Variants in TMX3 observed in about 807,000 individuals in gnomAD.
TMX3 encodes the protein protein disulfide-isomerase TMX3.
TMX3 carries 40 observed loss-of-function variants against 64.4 expected under a neutral mutation model. The observed-to-expected ratio is 0.62, with a 90% confidence interval of 0.48 to 0.81. TMX3 has a LOEUF of 0.81. Among genes scored for constraint, TMX3 ranks in the 30% least tolerant of loss-of-function variants. The probability of loss-of-function intolerance (pLI) is 0.00; values close to 1 mark genes in which losing one functional copy is unlikely to be tolerated. For synonymous variants in TMX3, 189 were observed against 175.7 expected, an observed-to-expected ratio of 1.08 and a Z score of -0.60; for missense variants, 497 against 534.5, an observed-to-expected ratio of 0.93 and a Z score of 0.69.
At chr18:68,706,511 A>C (rs2030683864) in intron 4 of TMX3, 1 of 152,208 alleles carries the variant, frequency 6.6e-6, no homozygotes, top group Admixed American at 6.5e-5. Flanking sequence ...TTCACTGTTC[A>C]CCAGTAGGAC....
chr18:68,681,534 C>CT (rs1009217391), intron 13 of TMX3: 2 of 984,826 alleles, frequency 2.0e-6, no homozygotes, highest in African/African-American at 3.5e-5. Flanking sequence ...GGCAAATCCT[C>CT]TTAAGTTCTT....
intron 4 of TMX3, among the ~76,000 whole-genome samples, 178 bp downstream of exon 4, chr18:68,709,843 C>T (rs1161702827): frequency 6.6e-6 from 1 of 152,096 alleles, no homozygotes; most frequent in Non-Finnish European, 1.5e-5. Flanking sequence ...TTAACACACA[C>T]TACACGCTAC....
chr18:68,709,350 T>A (rs1207412725), intron 4 of TMX3, among the ~76,000 whole-genome samples: 1 of 152,118 alleles, frequency 6.6e-6, no homozygotes, highest in Non-Finnish European at 1.5e-5. Context: ...GTATAAAAGG[T>A]CAGATAAATA....
intron 6 of TMX3, among the ~76,000 whole-genome samples, chr18:68,699,021 CAA>C (rs986705714): frequency 1.1e-5 from 1 of 91,974 alleles, no homozygotes. Context: ...GACTCCGCCT[CAA>C]AAAAAAAAAA....
chr18:68,714,460 G>T, intron 1 of TMX3: 1 of 166,084 alleles, frequency 6.0e-6, no homozygotes, highest in South Asian at 1.5e-4. Context: ...GAGAACCGCT[G>T]ACACACACTC....
chr18:68,679,396 T>G (rs772574855), intron 15 of TMX3, 67 bp downstream of exon 15: 29 of 1,336,900 alleles, frequency 2.2e-5, no homozygotes, highest in Middle Eastern at 4.6e-4. Flanking sequence ...TTCAGATTTT[T>G]AACACAGCTA....
intron 5 of TMX3, chr18:68,700,923 C>T: frequency 1.0e-6 from 1 of 984,914 alleles, no homozygotes; most frequent in Non-Finnish European, 1.2e-6. Context: ...TCCAACATTA[C>T]AGAGTAAAAC....
In TMX3 at chr18:68,691,373, CAGA is replaced by C; in HGVS notation, c.571-15_571-13del. 6.8e-7 allele frequency: 1 copy of C among 1,477,624 alleles called. No homozygotes were observed. Among genetic ancestry groups the C allele is most frequent in the Non-Finnish European group, 9.1e-7 (1 of 1,103,938 alleles). The allele number at this position is 1,477,624 out of a possible 1,614,324, so 91.5% of individuals were successfully genotyped here. ...TTTAGTGTCACATACTGCAAAAAAT[CAGA>C]AGTTTAAATAACTTTTATCACTAAA... On this transcript the variant is annotated splice_polypyrimidine_tract_variant and intron_variant, in intron 8 of 15. Transcript: ENST00000299608.
chr18:68,695,795 G>A lies in TMX3; in HGVS notation c.570+1431C>T, dbSNP rs1245505769. 5.3e-5 allele frequency among the ~76,000 whole-genome samples: 8 copies of A among 152,290 alleles called. No homozygotes were observed. The East Asian group carries it at 1.4e-3, about 26-fold the overall frequency. ...ACCTATCTAACGCACTCTGCGCTTA[G>A]CACAGAGTAATGTCCTTAAACAAGA... On this transcript the variant is annotated intron_variant, in intron 8 of 15. Transcript: ENST00000299608.
Position 68,677,165 on chromosome 18 carries a change from C to G in TMX3, c.1133G>C (p.Gly378Ala). 1 of 1,613,630 alleles carries G rather than the reference C, an allele frequency of 6.2e-7. No individual in the cohort carries two copies. The change falls in exon 16 of 16, where the codon GGC (glycine) becomes GCC (alanine). Residue 378 changes from glycine (G) to alanine (A), a missense_variant. Gly to Ala is a moderately conservative substitution (Grantham distance 60). This residue lies in a region of TMX3 where 43 missense variants were observed against 75.3 expected (regional missense o/e 0.57). Coordinates refer to ENST00000299608, the MANE Select transcript of TMX3 (RefSeq NM_019022.5). ...CAGTGGCAGGCCAAAGAGAAAGCAG[C>G]CCATCAGTGGTGAGCTCTTGAATAT... is the stretch of plus-strand genomic sequence containing the variant. ...VSIFKSSPLMGCFLFGLPLGV... is the reference protein window; with the variant it reads ...VSIFKSSPLMACFLFGLPLGV...
chr18:68,707,426 G>T (rs1240582623), intron 4 of TMX3, among the ~76,000 whole-genome samples: 1 of 152,104 alleles, frequency 6.6e-6, no homozygotes, highest in African/African-American at 2.4e-5. Flanking sequence ...TCTTGGCTAT[G>T]TTTTTCCCTA....
chr18:68,713,180 G>A (rs1280541228), intron 2 of TMX3, among the ~76,000 whole-genome samples: 1 of 152,092 alleles, frequency 6.6e-6, no homozygotes, highest in Non-Finnish European at 1.5e-5. Flanking sequence ...AAGGACTAGA[G>A]TAGAAAAGTG....
intron 13 of TMX3, among the ~76,000 whole-genome samples, chr18:68,682,707 A>C (rs77342245): frequency 7.1e-6 from 1 of 140,022 alleles, no homozygotes; most frequent in Admixed American, 6.8e-5. Context: ...ATCAGGAGAT[A>C]ATTTTTTTTT....
rs1290216842 is a variant in TMX3 at position 68,710,026 on chromosome 18, T to C, written c.260A>G (p.Tyr87Cys). The C allele has an allele frequency of 3.2e-6, 5 of 1,586,728 alleles. No individual in the cohort carries two copies. The highest frequency in any genetic ancestry group is 1.4e-5 in the African/African-American group (1 of 73,486). The change falls in exon 4 of 16, where the codon TAT becomes TGT. Residue 87 changes from tyrosine to cysteine, a missense_variant. Physicochemically the swap from Tyr to Cys is radical, Grantham distance 194. Around this residue, in one of 3 missense-constraint regions of TMX3, gnomAD observed 360 missense variants for 383.5 expected, o/e 0.94. Coordinates refer to ENST00000299608, the MANE Select transcript of TMX3 (RefSeq NM_019022.5). ...VKVGKMDATSYSSIASEFGVR... is the reference protein window; with the variant it reads ...VKVGKMDATSCSSIASEFGVR... ...TAAACTAAGTGAAGGCTTACTAGAA[T>C]AGGAAGTAGCATCCATCTTTCCAAC...
intron 1 of TMX3, 58 bp from the exon 2 acceptor site, chr18:68,713,958 TA>T: frequency 7.9e-7 from 1 of 1,262,230 alleles, no homozygotes; most frequent in Non-Finnish European, 1.1e-6. Context: ...TCATACCGTA[TA>T]AGCTTAGTCA....
intron 3 of TMX3, among the ~76,000 whole-genome samples, chr18:68,711,097 T>C (rs2031225480): frequency 6.6e-6 from 1 of 152,186 alleles, no homozygotes; most frequent in Admixed American, 6.6e-5. Flanking sequence ...ATCCAAAAGT[T>C]GACCTCATTG....
rs73967585 is a variant in TMX3, at chr18:68,684,208, T to A, written c.830A>T (p.Tyr277Phe). 1,584 of 1,611,802 alleles carry A rather than the reference T, an allele frequency of 9.8e-4. 17 individuals are homozygous for A. The African/African-American group carries it at 0.019, about 19-fold the overall frequency. The change falls in exon 12 of 16, where the codon TAC (tyrosine) becomes TTC (phenylalanine). Residue 277 changes from tyrosine to phenylalanine, a missense_variant. This residue lies in a region of TMX3 where 360 missense variants were observed against 383.5 expected (regional missense o/e 0.94). Coordinates refer to ENST00000299608, the MANE Select transcript of TMX3 (RefSeq NM_019022.5). ...CACCTACCTATGGAAGAGGTCTCTGTAATCTCTTGCAACTTCCTGAATAAT... is the reference window on the plus strand; with the variant it reads ...CACCTACCTATGGAAGAGGTCTCTGAAATCTCTTGCAACTTCCTGAATAAT... ...KSIIQEVARD[Y>F]RDLFHRDFQF...
chr18:68,687,579 C>T, intron 10 of TMX3, 88 bp downstream of exon 10: 3 of 1,527,084 alleles, frequency 2.0e-6, no homozygotes, highest in Non-Finnish European at 2.6e-6. Context: ...AGAAATAGAG[C>T]TTAAATTCAT....
intron 5 of TMX3, chr18:68,701,121 A>T: frequency 2.9e-6 from 2 of 690,186 alleles, no homozygotes; most frequent in Non-Finnish European, 3.6e-6. Context: ...GAGGCTAAGC[A>T]AACATTTTTA....
Sources: gnomAD v4.1 joint callset for allele counts (sites outside exome capture counted in the v4.1 genomes callset) on GRCh38, gnomAD v4.1.1 for gene constraint, gnomAD v4.1.1 regional missense constraint, MANE v1.5 for transcripts, NCBI Gene and HGNC (gene_info 2026-07-23, HGNC 2026-07-21) for gene names.